The following KLHDC4 variants were observed in gnomAD, a reference collection of about 807,000 sequenced individuals.
The protein encoded by KLHDC4 is kelch domain-containing protein 4.
A neutral mutation model predicts 62.4 loss-of-function variants in KLHDC4; 90 were observed. The observed-to-expected ratio is 1.44, with a 90% CI of 1.22 to 1.72. The LOEUF is 1.72. Ranked by LOEUF, KLHDC4 falls within the 40% of genes most tolerant of loss-of-function variation. The probability of loss-of-function intolerance (pLI) is 0.00; values close to 1 mark genes in which losing one functional copy is unlikely to be tolerated. For missense variants in KLHDC4, 1,025 were observed against 699.7 expected (o/e 1.47, Z -5.25); for synonymous variants, 386 against 284.4 (o/e 1.36, Z -3.59).
chr16:87,707,330 C>G (rs537654561), downstream of KLHDC4, among the ~76,000 whole-genome samples: 1 of 152,330 alleles, frequency 6.6e-6, no homozygotes, highest in South Asian at 2.1e-4. Flanking sequence ...TGTCGCTTTG[C>G]AAATGCTAAT....
chr16:87,730,073 C>G (rs1178185589), intron 6 of KLHDC4, among the ~76,000 whole-genome samples: 3 of 152,244 alleles, frequency 2.0e-5, no homozygotes, highest in Non-Finnish European at 4.4e-5. Context: ...CCTGCCTCAG[C>G]CTCCTGAGTA....
At chr16:87,758,324 A>C (rs1721485632) in intron 2 of KLHDC4, among the ~76,000 whole-genome samples, 1 of 152,238 alleles carries the variant, frequency 6.6e-6, no homozygotes, top group South Asian at 2.1e-4. Flanking sequence ...TCTGCAGATG[A>C]GTGGACAAAC....
chr16:87,736,115 T>C (rs964733837), intron 5 of KLHDC4, among the ~76,000 whole-genome samples: 4 of 152,208 alleles, frequency 2.6e-5, no homozygotes, highest in African/African-American at 9.6e-5. Flanking sequence ...GACCTTGTCA[T>C]TGTGCTGTCC....
At chr16:87,735,982 C>G (rs187030294) in intron 5 of KLHDC4, among the ~76,000 whole-genome samples, 41 of 152,312 alleles carry the variant, frequency 2.7e-4, no homozygotes, top group Non-Finnish European at 4.7e-4. Context: ...CTGAGTTAAG[C>G]ACTCTGCATG....
chr16:87,726,048 T>G (rs993274017), intron 7 of KLHDC4, among the ~76,000 whole-genome samples: 1 of 152,148 alleles, frequency 6.6e-6, no homozygotes, highest in Non-Finnish European at 1.5e-5. Context: ...GAGGAGCCGA[T>G]TAACACTATC....
intron 9 of KLHDC4, 156 bp from the exon 10 acceptor site, chr16:87,709,823 C>CA (rs2035422210): frequency 1.2e-6 from 1 of 845,982 alleles, no homozygotes; most frequent in Non-Finnish European, 1.8e-6. Context: ...GCCCTGGGTG[C>CA]AGGCACTGGG....
chr16:87,743,440 A>AT (rs1182988544), intron 5 of KLHDC4, among the ~76,000 whole-genome samples: 2 of 152,118 alleles, frequency 1.3e-5, no homozygotes, highest in Non-Finnish European at 2.9e-5. Flanking sequence ...TTGACTGAAT[A>AT]TTAAAAAAAA....
At chr16:87,708,120 G>A (rs570209039) in intron 11 of KLHDC4, 45 bp from the exon 12 acceptor site, 74 of 662,954 alleles carry the variant, frequency 1.1e-4, no homozygotes, top group Middle Eastern at 2.4e-4. Flanking sequence ...ACATTCAGCC[G>A]AGGGGGAGGC....
chr16:87,738,687 T>C (rs2041779223), intron 5 of KLHDC4, among the ~76,000 whole-genome samples: 1 of 121,070 alleles, frequency 8.3e-6, no homozygotes. Flanking sequence ...CAGCACCTCA[T>C]CCATCCACAC....
rs200777671 is a variant in KLHDC4 at position 87,709,455 on chromosome 16, A to C, written c.1257T>G (p.Leu419=). The C allele has an allele frequency of 9.9e-6, 16 of 1,611,988 alleles. No homozygotes were observed. In the Admixed American group the frequency reaches 2.7e-4, roughly 27 times the overall value. The stretch of plus-strand genomic sequence containing the variant: ...CAGGTGCGGGGCTGCCGGCCTCCTC[A>C]AGGCTGTCTTCGTCCTCAGACCGGG... ...GQPRSEDEDS[L]EEAGSPAPGP... The change falls in exon 10 of 12, where the codon CTT becomes CTG. Residue 419 remains leucine, a synonymous_variant. Transcript: ENST00000270583.
intron 2 of KLHDC4, among the ~76,000 whole-genome samples, chr16:87,759,545 A>C (rs2143415258): frequency 6.6e-6 from 1 of 152,310 alleles, no homozygotes; most frequent in East Asian, 1.9e-4. Context: ...TCGGGAGTTC[A>C]AGACCAGCCT....
At chr16:87,744,626 A>C (rs2042758911) in intron 5 of KLHDC4, among the ~76,000 whole-genome samples, 1 of 152,086 alleles carries the variant, frequency 6.6e-6, no homozygotes, top group African/African-American at 2.4e-5. Flanking sequence ...GGTAAAGCTC[A>C]TAAAAACAAA....
At chr16:87,714,646 G>A in intron 7 of KLHDC4, 73 bp from the exon 8 acceptor site, 1 of 1,521,406 alleles carries the variant, frequency 6.6e-7, no homozygotes, top group East Asian at 2.2e-5. Flanking sequence ...CAACCCTGTG[G>A]GCGCATTTTG....
chr16:87,756,339 A>G, intron 3 of KLHDC4, 60 bp downstream of exon 3: 1 of 1,281,514 alleles, frequency 7.8e-7, no homozygotes. Context: ...CCTTAAGTTA[A>G]CTTTCTGTCA....
chr16:87,711,020 C>A, intron 9 of KLHDC4: 6 of 553,816 alleles, frequency 1.1e-5, no homozygotes, highest in Non-Finnish European at 1.9e-5. Context: ...AGGTAGCAGC[C>A]CCGCCAGCAT....
chr16:87,745,191 C>T (rs997832468), intron 5 of KLHDC4, among the ~76,000 whole-genome samples: 11 of 152,184 alleles, frequency 7.2e-5, no homozygotes, highest in Admixed American at 2.0e-4. Context: ...GTTCTCTCCA[C>T]CCTCACCCTA....
exon 1 of KLHDC4, chr16:87,702,454 C>T (rs2034188717): frequency 5.5e-6 from 2 of 363,126 alleles, no homozygotes; most frequent in Non-Finnish European, 5.4e-6. Flanking sequence ...CTCTGGGGAG[C>T]CCGCGTCCCC....
chr16:87,729,647 G>T (rs1448643161), intron 6 of KLHDC4, among the ~76,000 whole-genome samples: 2 of 152,212 alleles, frequency 1.3e-5, no homozygotes, highest in Non-Finnish European at 1.5e-5. Context: ...GCTCACCCTG[G>T]GCAGCCATGC....
chr16:87,730,581 G>A lies in KLHDC4; in HGVS notation c.570C>T (p.Ile190=), dbSNP rs142394660. The A allele has an allele frequency of 1.2e-6, 2 of 1,612,832 alleles. No homozygotes were observed. Among genetic ancestry groups the A allele is most frequent in the East Asian group, 2.2e-5 (1 of 44,866 alleles). ...TACTTTCATGGAAGCCACCAAACAG[G>A]ATCAATTGTCTCTTCCAGGCCACCA... ...HRMVAWKRQL[I]LFGGFHESTR... Residue 190 remains isoleucine, a synonymous_variant, in exon 6 of 12, where the codon ATC becomes ATT. Coordinates refer to ENST00000270583, the MANE Select transcript of KLHDC4 (RefSeq NM_017566.4).
Sources: allele counts gnomAD v4.1 joint callset (sites outside exome capture counted in the v4.1 genomes callset), GRCh38; gene constraint gnomAD v4.1.1; transcripts MANE v1.5; gene names NCBI Gene and HGNC (gene_info 2026-07-23, HGNC 2026-07-21).